The following FHIT variants were observed in gnomAD, a reference collection of about 807,000 sequenced individuals.
The protein encoded by FHIT is bis(5'-adenosyl)-triphosphatase.
FHIT carries 19 observed loss-of-function variants against 17.9 expected under a neutral mutation model. That is an observed-to-expected ratio of 1.06 (90% CI 0.74 to 1.56). FHIT has a LOEUF of 1.56. Among genes scored for constraint, FHIT ranks in the 40% most tolerant of loss-of-function variants. The pLI is 0.00. For synonymous variants in FHIT, 81 were observed against 69.7 expected (o/e 1.16, Z -0.81); for missense variants, 248 against 189.2 (o/e 1.31, Z -1.82).
At chr3:60,747,990 T>C (rs964021937) in intron 4 of FHIT, among the ~76,000 whole-genome samples, 10 of 152,104 alleles carry the variant, frequency 6.6e-5, no homozygotes, top group Admixed American at 2.0e-4. Flanking sequence ...CAAATCAACT[T>C]GATATAATCT....
intron 7 of FHIT, among the ~76,000 whole-genome samples, chr3:59,922,970 T>A (rs1461598478): frequency 6.6e-6 from 1 of 152,028 alleles, no homozygotes; most frequent in Non-Finnish European, 1.5e-5. Context: ...TTAAAAATCC[T>A]ATGAGGTGGC....
intron 3 of FHIT, among the ~76,000 whole-genome samples, chr3:60,842,228 CTCTGTAGT>C (rs1553745213): frequency 6.6e-6 from 1 of 152,002 alleles, no homozygotes; most frequent in African/African-American, 2.4e-5. Context: ...ATCTGGAGTT[CTCTGTAGT>C]AATGAGCAAC....
intron 3 of FHIT, among the ~76,000 whole-genome samples, chr3:60,860,021 T>C (rs1225378570): frequency 6.7e-6 from 1 of 148,368 alleles, no homozygotes; most frequent in South Asian, 2.1e-4. Flanking sequence ...TCCAGCCTGG[T>C]GAAGAAGTGG....
intron 5 of FHIT, among the ~76,000 whole-genome samples, chr3:60,311,385 G>T (rs187645980): frequency 6.6e-6 from 1 of 151,924 alleles, no homozygotes; most frequent in African/African-American, 2.4e-5. Context: ...TGCTTCTCAG[G>T]GTACTGCATC....
At chr3:60,844,123 T>G (rs1575590588) in intron 3 of FHIT, among the ~76,000 whole-genome samples, 1 of 152,160 alleles carries the variant, frequency 6.6e-6, no homozygotes, top group African/African-American at 2.4e-5. Flanking sequence ...AGCAAATACC[T>G]TATAAATAAT....
intron 7 of FHIT, among the ~76,000 whole-genome samples, chr3:59,947,262 T>G (rs916322262): frequency 3.3e-5 from 5 of 152,224 alleles, no homozygotes; most frequent in African/African-American, 7.2e-5. Flanking sequence ...TTCCAGAAAT[T>G]TATCCACTTC....
intron 1 of FHIT, among the ~76,000 whole-genome samples, chr3:61,247,133 G>T (rs73099000): frequency 6.6e-6 from 1 of 152,040 alleles, no homozygotes; most frequent in Admixed American, 6.6e-5. Flanking sequence ...GCAGTGCCTG[G>T]AACAGAGCTA....
chr3:60,732,446 C>A, intron 4 of FHIT: 1 of 731,722 alleles, frequency 1.4e-6, no homozygotes, highest in South Asian at 1.4e-5. Context: ...GAAGTCACCA[C>A]CCTGACATAT....
chr3:60,023,040 G>C (rs1700608661), intron 5 of FHIT, among the ~76,000 whole-genome samples: 1 of 152,182 alleles, frequency 6.6e-6, no homozygotes, highest in Non-Finnish European at 1.5e-5. Context: ...GTAAACATGA[G>C]AATGGGAACA....
At chr3:60,494,433 A>T (rs546539960) in intron 5 of FHIT, among the ~76,000 whole-genome samples, 28 of 152,244 alleles carry the variant, frequency 1.8e-4, no homozygotes, top group African/African-American at 6.7e-4. Context: ...AAAATGGGGT[A>T]TCCATCCCCT....
intron 5 of FHIT, among the ~76,000 whole-genome samples, chr3:60,472,590 C>G (rs59642367): frequency 0.039 from 5,861 of 152,034 alleles, 367 homozygotes; most frequent in African/African-American, 0.13. Flanking sequence ...AGGATGGTCT[C>G]GATCTCCTGA....
At chr3:59,987,930 A>G (rs1709057887) in intron 7 of FHIT, among the ~76,000 whole-genome samples, 1 of 152,096 alleles carries the variant, frequency 6.6e-6, no homozygotes, top group Non-Finnish European at 1.5e-5. Flanking sequence ...CTTGAAATAT[A>G]TTTTGAAAAG....
In FHIT at chr3:59,748,569, G is replaced by C. The variant is rs1368576935; in HGVS notation, c.*1016C>G. Among the ~76,000 whole-genome samples the C allele has an allele frequency of 1.3e-5, 2 of 149,850 alleles. No individual in the cohort carries two copies. Among genetic ancestry groups the C allele is most frequent in the Non-Finnish European group, 3.0e-5 (2 of 67,252 alleles). ...AAGGAAGAAGTCCAGCAGGCGAGGA[G>C]GTGGGAGGTCCTCAAGGCAGAAATA... On this transcript the variant is annotated 3_prime_UTR_variant, in exon 10 of 10. Transcript: ENST00000492590.
At chr3:60,748,332 T>C (rs1233655917) in intron 4 of FHIT, among the ~76,000 whole-genome samples, 1 of 152,164 alleles carries the variant, frequency 6.6e-6, no homozygotes, top group Admixed American at 6.5e-5. Flanking sequence ...TATGTGCATA[T>C]GGAAGCTTAC....
intron 8 of FHIT, among the ~76,000 whole-genome samples, chr3:59,788,263 A>C (rs946950161): frequency 6.6e-6 from 1 of 152,148 alleles, no homozygotes; most frequent in Admixed American, 6.5e-5. Context: ...GTGAACTGCA[A>C]TCATTTGAAC....
chr3:60,680,198 C>T (rs1258957099), intron 4 of FHIT, among the ~76,000 whole-genome samples: 1 of 152,182 alleles, frequency 6.6e-6, no homozygotes, highest in Non-Finnish European at 1.5e-5. Context: ...ACAACCTCTC[C>T]AACACCTAGA....
chr3:61,203,302 T>C (rs1367246888), intron 1 of FHIT, among the ~76,000 whole-genome samples: 1 of 151,250 alleles, frequency 6.6e-6, no homozygotes, highest in African/African-American at 2.4e-5. Context: ...TGAGCTGAAA[T>C]TGCACCATTG....
At chr3:60,595,497 ATG>A (rs1184414817) in intron 4 of FHIT, among the ~76,000 whole-genome samples, 5 of 134,666 alleles carry the variant, frequency 3.7e-5, no homozygotes, top group East Asian at 2.2e-4. Flanking sequence ...ATATGTATAT[ATG>A]TGTGTGTGTG....
intron 2 of FHIT, among the ~76,000 whole-genome samples, chr3:61,153,072 G>T (rs181681571): frequency 6.6e-6 from 1 of 151,830 alleles, no homozygotes; most frequent in East Asian, 1.9e-4. Context: ...GAACCTGGGA[G>T]GCGGAGGCTG....
Sources: allele counts gnomAD v4.1 joint callset (sites outside exome capture counted in the v4.1 genomes callset), GRCh38; gene constraint gnomAD v4.1.1; transcripts MANE v1.5; gene names NCBI Gene and HGNC (gene_info 2026-07-23, HGNC 2026-07-21).